TBC1D5: variants seen among roughly 807,000 people sequenced by gnomAD.
TBC1D5 encodes TBC1 domain family, member 5.
A neutral mutation model predicts 100.3 loss-of-function variants in TBC1D5; 75 were observed. That is an observed-to-expected ratio of 0.75 (90% CI 0.62 to 0.91). The LOEUF (loss-of-function observed/expected upper bound fraction) is 0.91. TBC1D5 is among the 40% of genes least tolerant of loss of function. TBC1D5 has a pLI of 0.00. For synonymous variants in TBC1D5, 323 were observed against 325.6 expected (o/e 0.99, Z 0.09); for missense variants, 910 against 942.4 (o/e 0.97, Z 0.45).
At chr3:17,603,595 GAAAC>G (rs2061142802) in intron 2 of TBC1D5, among the ~76,000 whole-genome samples, 1 of 152,084 alleles carries the variant, frequency 6.6e-6, no homozygotes, top group South Asian at 2.1e-4. Flanking sequence ...ATATGATCGA[GAAAC>G]AACCATAAAA....
rs867722874 is a variant in TBC1D5 at position 17,690,202 on chromosome 3, A to T, written c.-101+49141T>A. ...AGAGAACTGAAGCATAAAAATAGCCATATTTTTTTTTTTTTTTTTTTTTTT... is the reference window on the plus strand; with the variant it reads ...AGAGAACTGAAGCATAAAAATAGCCTTATTTTTTTTTTTTTTTTTTTTTTT... On this transcript the variant is annotated intron_variant, in intron 1 of 21. Coordinates refer to ENST00000253692, the Ensembl canonical transcript of TBC1D5. 5.7e-3 allele frequency among the ~76,000 whole-genome samples: 346 copies of T among 61,032 alleles called. 21 individuals are homozygous for T. The highest frequency in any genetic ancestry group is 0.019 in the African/African-American group (331 of 17,674). The allele number at this position is 61,032 out of a possible 152,430, so 40.0% of individuals were successfully genotyped here.
chr3:17,676,409 C>A (rs540578734), intron 1 of TBC1D5, among the ~76,000 whole-genome samples: 5 of 152,092 alleles, frequency 3.3e-5, no homozygotes, highest in African/African-American at 1.2e-4. Flanking sequence ...CAATTGCTAC[C>A]AAGAGAATAA....
intron 18 of TBC1D5, among the ~76,000 whole-genome samples, chr3:17,213,958 A>G (rs2125996375): frequency 6.6e-6 from 1 of 151,004 alleles, no homozygotes; most frequent in Admixed American, 6.6e-5. Context: ...GAAAAAAAGG[A>G]CTGGGATTTG....
intron 2 of TBC1D5, among the ~76,000 whole-genome samples, chr3:17,566,932 A>G (rs2096597499): frequency 6.6e-6 from 1 of 151,836 alleles, no homozygotes; most frequent in African/African-American, 2.4e-5. Flanking sequence ...TGTTAAATTC[A>G]AAAGTCAGGA....
chr3:17,527,299 A>G (rs2096150095), intron 2 of TBC1D5, among the ~76,000 whole-genome samples: 1 of 152,204 alleles, frequency 6.6e-6, no homozygotes, highest in African/African-American at 2.4e-5. Context: ...AAGCCACATG[A>G]TAACCTGAAA....
chr3:17,592,085 GC>G (rs2060266603), intron 2 of TBC1D5, among the ~76,000 whole-genome samples: 2 of 152,188 alleles, frequency 1.3e-5, no homozygotes, highest in Non-Finnish European at 1.5e-5. Flanking sequence ...CATTGACCTG[GC>G]AAATGCCTTT....
chr3:17,592,251 C>T (rs572951401), intron 2 of TBC1D5, among the ~76,000 whole-genome samples: 3 of 152,306 alleles, frequency 2.0e-5, no homozygotes, highest in Admixed American at 6.5e-5. Context: ...CAGCTTTTTG[C>T]TTCCGTAAGA....
intron 18 of TBC1D5, among the ~76,000 whole-genome samples, chr3:17,195,130 A>G (rs950947941): frequency 6.6e-6 from 1 of 152,232 alleles, no homozygotes; most frequent in Non-Finnish European, 1.5e-5. Flanking sequence ...TTCAAAAGGT[A>G]TAAAAGGTGT....
chr3:17,368,877 T>A (rs902512456), intron 13 of TBC1D5, among the ~76,000 whole-genome samples: 1 of 152,112 alleles, frequency 6.6e-6, no homozygotes, highest in Non-Finnish European at 1.5e-5. Context: ...AAAAAGAGAT[T>A]ATTTTACATC....
At chr3:17,295,838 T>C (rs1174495431) in intron 14 of TBC1D5, among the ~76,000 whole-genome samples, 1 of 152,174 alleles carries the variant, frequency 6.6e-6, no homozygotes, top group Non-Finnish European at 1.5e-5. Flanking sequence ...GCCTGAAAAC[T>C]AGTCATACAT....
At chr3:17,382,297 A>G (rs910429130) in intron 9 of TBC1D5, among the ~76,000 whole-genome samples, 1 of 152,038 alleles carries the variant, frequency 6.6e-6, no homozygotes, top group African/African-American at 2.4e-5. Flanking sequence ...CAGAGGTGAG[A>G]TTCGAACAAA....
At chr3:17,581,932 C>T (rs1381541140) in intron 2 of TBC1D5, among the ~76,000 whole-genome samples, 5 of 152,182 alleles carry the variant, frequency 3.3e-5, no homozygotes, top group African/African-American at 2.4e-5. Flanking sequence ...TCAGGACCTT[C>T]GTACTTCGTG....
intron 18 of TBC1D5, among the ~76,000 whole-genome samples, chr3:17,199,009 T>C (rs1057006764): frequency 1.3e-5 from 2 of 152,244 alleles, no homozygotes; most frequent in South Asian, 2.1e-4. Flanking sequence ...CCGCTACATG[T>C]AGCTGAAAGC....
At chr3:17,545,469 G>C (rs2096405737) in intron 2 of TBC1D5, among the ~76,000 whole-genome samples, 1 of 152,164 alleles carries the variant, frequency 6.6e-6, no homozygotes, top group South Asian at 2.1e-4. Context: ...GACAGTCCTA[G>C]CAAACCAATA....
At chr3:17,648,627 T>C (rs935992744) in intron 1 of TBC1D5, among the ~76,000 whole-genome samples, 1 of 152,024 alleles carries the variant, frequency 6.6e-6, no homozygotes, top group Non-Finnish European at 1.5e-5. Flanking sequence ...TAAACAAATT[T>C]ACAAGAGAGA....
At chr3:17,683,066 AG>A (rs2069724370) in intron 1 of TBC1D5, among the ~76,000 whole-genome samples, 2 of 151,576 alleles carry the variant, frequency 1.3e-5, no homozygotes, top group Admixed American at 6.6e-5. Flanking sequence ...TTACTTTTTA[AG>A]GTTCCCCAGA....
intron 17 of TBC1D5, among the ~76,000 whole-genome samples, chr3:17,218,590 G>T (rs2073917559): frequency 6.6e-6 from 1 of 151,860 alleles, no homozygotes; most frequent in African/African-American, 2.4e-5. Context: ...TATAGGGAAG[G>T]TTTACTAGTA....
chr3:17,603,962 T>G (rs1336504319), intron 2 of TBC1D5, among the ~76,000 whole-genome samples: 3 of 152,150 alleles, frequency 2.0e-5, no homozygotes, highest in East Asian at 3.9e-4. Context: ...TTTACTTTTC[T>G]TAATATACTT....
intron 19 of TBC1D5, among the ~76,000 whole-genome samples, chr3:17,180,736 T>C: frequency 6.6e-6 from 1 of 151,902 alleles, no homozygotes. Context: ...TATATGGACA[T>C]AGAGCATGGA....
Sources: gnomAD v4.1 joint callset for allele counts (sites outside exome capture counted in the v4.1 genomes callset) on GRCh38, gnomAD v4.1.1 for gene constraint, MANE v1.5 for transcripts, NCBI Gene and HGNC (gene_info 2026-07-23, HGNC 2026-07-21) for gene names.